EHD1: variants seen among roughly 807,000 people sequenced by gnomAD.
The protein encoded by EHD1 is EH domain-containing protein 1.
EHD1 carries 19 observed loss-of-function variants against 39.0 expected under a neutral mutation model. The observed-to-expected ratio is 0.49, with a 90% CI of 0.34 to 0.72. EHD1 has a LOEUF of 0.72. Among genes scored for constraint, EHD1 ranks in the 30% least tolerant of loss-of-function variants. The probability of loss-of-function intolerance (pLI) is 0.01; values close to 1 mark genes in which losing one functional copy is unlikely to be tolerated. For missense variants in EHD1, 542 were observed against 751.5 expected, an observed-to-expected ratio of 0.72 and a Z score of 3.26; for synonymous variants, 323 against 331.2, an observed-to-expected ratio of 0.98 and a Z score of 0.27.
In EHD1 at chr11:64,852,459, CAACT is replaced by C. The variant is rs1943592014; in HGVS notation, c.*1870_*1873del. The C allele has an allele frequency of 6.6e-6, 1 of 150,438 alleles. No homozygotes were observed. Among genetic ancestry groups the C allele is most frequent in the Non-Finnish European group, 1.5e-5 (1 of 68,116 alleles). The allele number at this position is 150,438 out of a possible 1,614,324, so 9.3% of individuals were successfully genotyped here. ...TAGGCCTCAGCTATCAACATCCTCC[CAACT>C]GTTTCCCCCCTCCCCACCCCAAGTG... is the stretch of plus-strand genomic sequence containing the variant. On this transcript the variant is annotated 3_prime_UTR_variant, in exon 5 of 5. Transcript: ENST00000320631.
In EHD1 at chr11:64,853,982, C is replaced by G; in HGVS notation, c.*351G>C. ...AGCTGCCAAAAGGGCGACCTGGCTC[C>G]CCCACGGTCGCAGTCGCTGCACTGT... On this transcript the variant is annotated 3_prime_UTR_variant, in exon 5 of 5. Transcript: ENST00000320631. The G allele has an allele frequency of 3.3e-6, 1 of 304,758 alleles. No homozygotes were observed. The highest frequency in any genetic ancestry group is 6.2e-6 in the Non-Finnish European group (1 of 161,344). 18.9% of individuals were successfully genotyped at this position (304,758 alleles called of 1,614,324 possible).
At chr11:64,858,060 G>A (rs570947060) in intron 3 of EHD1, among the ~76,000 whole-genome samples, 1 of 144,602 alleles carries the variant, frequency 6.9e-6, no homozygotes, top group East Asian at 2.0e-4. Flanking sequence ...ATTAAATAGA[G>A]ACAGGGTCTC....
intron 2 of EHD1, among the ~76,000 whole-genome samples, chr11:64,860,994 T>TG (rs1399855684): frequency 3.1e-5 from 4 of 128,768 alleles, no homozygotes; most frequent in Non-Finnish European, 4.7e-5. Context: ...CACTCCAGCC[T>TG]GGGCAACAGT....
intron 2 of EHD1, among the ~76,000 whole-genome samples, chr11:64,872,974 C>T (rs1309087568): frequency 6.6e-6 from 1 of 152,220 alleles, no homozygotes; most frequent in Non-Finnish European, 1.5e-5. Context: ...TCCTCAACCC[C>T]TCTTTGAGTT....
chr11:64,877,924 C>G (rs898144780), intron 1 of EHD1, 137 bp downstream of exon 1: 28 of 911,158 alleles, frequency 3.1e-5, no homozygotes, highest in Non-Finnish European at 3.9e-5. Context: ...GCCCTTGGAC[C>G]AGGGAGTGGT....
intron 2 of EHD1, among the ~76,000 whole-genome samples, chr11:64,872,595 C>CTT (rs35705383): frequency 6.9e-6 from 1 of 145,828 alleles, no homozygotes. Context: ...CTAGCCCTCG[C>CTT]TTTTTTTTTT....
chr11:64,862,575 G>T (rs1299197985), intron 2 of EHD1, among the ~76,000 whole-genome samples: 1 of 152,208 alleles, frequency 6.6e-6, no homozygotes, highest in Non-Finnish European at 1.5e-5. Context: ...TTGGCTATCT[G>T]ACTTAAGCCA....
upstream of EHD1, chr11:64,878,638 G>A: frequency 2.8e-6 from 4 of 1,407,506 alleles, no homozygotes; most frequent in Non-Finnish European, 2.8e-6. Flanking sequence ...CACCCCTCGC[G>A]GAGCGGCCTT....
chr11:64,871,385 C>T lies in EHD1; in HGVS notation c.502+3036G>A, dbSNP rs144382164. 1.7e-3 allele frequency among the ~76,000 whole-genome samples: 265 copies of T among 152,334 alleles called. 1 individual carries two copies. The highest frequency in any genetic ancestry group is 5.6e-3 in the African/African-American group (231 of 41,578). On this transcript the variant is annotated intron_variant, in intron 2 of 4. Transcript: ENST00000320631. ...GCCACACGGGCCTTTCCATGACTGA[C>T]GGGCGGGGCCTCCAGGAAACAGAAA...
chr11:64,869,247 C>A (rs1943802153), intron 2 of EHD1, among the ~76,000 whole-genome samples: 1 of 152,264 alleles, frequency 6.6e-6, no homozygotes, highest in African/African-American at 2.4e-5. Context: ...GGTACGCCTC[C>A]TCTGTGGCAG....
rs1943588954 is a variant in EHD1, at chr11:64,852,174, A to ACCCTTCCCTCTGCTGGTATAAACAGTCC, written c.*2131_*2158dup. The ACCCTTCCCTCTGCTGGTATAAACAGTCC allele has an allele frequency of 6.6e-6, 1 of 151,818 alleles. No individual in the cohort carries two copies. Among genetic ancestry groups the ACCCTTCCCTCTGCTGGTATAAACAGTCC allele is most frequent in the African/African-American group, 2.4e-5 (1 of 41,292 alleles). 9.4% of individuals were successfully genotyped at this position (151,818 alleles called of 1,614,324 possible). ...TTTTATGAAGGGTCACTAATCAGTC[A>ACCCTTCCCTCTGCTGGTATAAACAGTCC]CCCTTCCCTCTGCTGGTATAAACAG... On this transcript the variant is annotated 3_prime_UTR_variant, in exon 5 of 5. Coordinates refer to ENST00000320631, the MANE Select transcript of EHD1 (RefSeq NM_006795.4).
intron 2 of EHD1, among the ~76,000 whole-genome samples, chr11:64,869,218 C>T (rs1215941508): frequency 6.6e-6 from 1 of 152,268 alleles, no homozygotes; most frequent in Non-Finnish European, 1.5e-5. Flanking sequence ...GGAACAGGTG[C>T]TGAGCGCGGG....
At chr11:64,859,839 G>A (rs986314694) in intron 3 of EHD1, 85 bp downstream of exon 3, 64 of 1,507,796 alleles carry the variant, frequency 4.2e-5, no homozygotes, top group Non-Finnish European at 5.2e-5. Context: ...GAAGGGTCTC[G>A]GGCAATCCTG....
intron 2 of EHD1, among the ~76,000 whole-genome samples, chr11:64,861,984 T>A (rs1405956220): frequency 6.6e-6 from 1 of 152,214 alleles, no homozygotes; most frequent in Non-Finnish European, 1.5e-5. Context: ...CTTCGCTCAC[T>A]GCAACCTTGA....
intron 2 of EHD1, among the ~76,000 whole-genome samples, chr11:64,870,983 TG>T (rs1943823065): frequency 6.6e-6 from 1 of 152,210 alleles, no homozygotes; most frequent in South Asian, 2.1e-4. Context: ...TGACAGAGCC[TG>T]GCTGCATCCT....
chr11:64,873,602 A>C (rs930508433), intron 2 of EHD1, among the ~76,000 whole-genome samples: 6 of 152,074 alleles, frequency 3.9e-5, no homozygotes, highest in South Asian at 2.1e-4. Context: ...GCCAAGAAAG[A>C]AAGCAGCTCC....
At chr11:64,879,476 G>T, upstream of EHD1, 1 of 1,347,144 alleles carries the variant, frequency 7.4e-7, no homozygotes, top group Non-Finnish European at 1.0e-6. Flanking sequence ...GTGGGGAAGA[G>T]GGGAAGTGTG....
At chr11:64,860,717 CG>C (rs1247673256) in intron 2 of EHD1, among the ~76,000 whole-genome samples, 2 of 85,544 alleles carry the variant, frequency 2.3e-5, no homozygotes, top group South Asian at 3.4e-4. Flanking sequence ...AAAACTGTCG[CG>C]AAAAAAAAAA....
upstream of EHD1, chr11:64,879,641 C>G (rs980958970): frequency 6.4e-7 from 1 of 1,550,972 alleles, no homozygotes; most frequent in Non-Finnish European, 8.7e-7. Flanking sequence ...GGGGCTCACT[C>G]CCCCGCCATC....
Sources: allele counts gnomAD v4.1 joint callset (sites outside exome capture counted in the v4.1 genomes callset), GRCh38; gene constraint gnomAD v4.1.1; transcripts MANE v1.5; gene names NCBI Gene and HGNC (gene_info 2026-07-23, HGNC 2026-07-21).